Variants in ATAD3A observed in about 807,000 individuals in gnomAD.
ATAD3A encodes the protein ATPase family AAA domain-containing protein 3A.
A neutral mutation model predicts 73.8 loss-of-function variants in ATAD3A; 46 were observed. The ratio of observed to expected loss-of-function variants is 0.62; its 90% CI spans 0.49 to 0.80. The LOEUF (loss-of-function observed/expected upper bound fraction) is 0.80. Among genes scored for constraint, ATAD3A ranks in the 30% least tolerant of loss-of-function variants. The pLI is 0.00. For missense variants in ATAD3A, 705 were observed against 838.0 expected, an observed-to-expected ratio of 0.84 and a Z score of 1.96; for synonymous variants, 319 against 350.0, an observed-to-expected ratio of 0.91 and a Z score of 0.99.
chr1:1,534,490 G>C lies in ATAD3A; in HGVS notation c.*418G>C. ...GGTGAGGGGGCGCCTGCCAGGGCCA[G>C]ACCCAGGTGGGGCAGCCTGAACCCT... On this transcript the variant is annotated 3_prime_UTR_variant, in exon 16 of 16. Coordinates refer to ENST00000378756, the MANE Select transcript of ATAD3A (RefSeq NM_001170535.3). 1 of 922,394 alleles carries C rather than the reference G, an allele frequency of 1.1e-6. No homozygotes were observed. Among genetic ancestry groups the C allele is most frequent in the Non-Finnish European group, 1.4e-6 (1 of 702,332 alleles). 57.1% of individuals were successfully genotyped at this position (922,394 alleles called of 1,614,324 possible). A position where few individuals can be genotyped will look rare whatever the true frequency, so the allele number is the denominator to read the frequency against.
chr1:1,528,002 C>G (rs1433544698), intron 14 of ATAD3A, 140 bp downstream of exon 14: 1 of 1,107,194 alleles, frequency 9.0e-7, no homozygotes, highest in East Asian at 2.8e-5. Flanking sequence ...TCTTGTCGCC[C>G]AGGCTGGAGT....
rs555023636 is a variant in ATAD3A, at chr1:1,513,222, C to T, written c.205+749C>T. Among the ~76,000 whole-genome samples, 13 of 152,066 alleles carry T rather than the reference C, an allele frequency of 8.5e-5. No homozygotes were observed. The East Asian group carries it at 2.4e-3, about 28-fold the overall frequency. On this transcript the variant is annotated intron_variant, in intron 1 of 15. Coordinates refer to ENST00000378756, the MANE Select transcript of ATAD3A (RefSeq NM_001170535.3). ...GACTTCAGGGCACCTCGGAGGACAG[C>T]GGATGTTGGTGACTGACTTTCTTGC...
In ATAD3A at chr1:1,533,949, C is replaced by T. The variant is rs375952119; in HGVS notation, c.1638C>T (p.Asp546=). 2.9e-5 allele frequency: 47 copies of T among 1,613,148 alleles called. No homozygotes were observed. The highest frequency in any genetic ancestry group is 8.9e-5 in the East Asian group (4 of 44,862). ...AGGCCACGGCGTATGCCTCCGAGGA[C>T]GGGGTCCTGACCGAGGCCATGATGG... ...SWQATAYASE[D]GVLTEAMMDT... The change falls in exon 16 of 16, where the codon GAC becomes GAT. Residue 546 remains aspartate (D), a synonymous_variant. Transcript: ENST00000378756.
chr1:1,533,623 A>T (rs1209493765), intron 15 of ATAD3A, among the ~76,000 whole-genome samples: 1 of 151,964 alleles, frequency 6.6e-6, no homozygotes, highest in Admixed American at 6.5e-5. Context: ...TGCAGTTCCC[A>T]CCTGCCTCTC....
intron 7 of ATAD3A, 91 bp from the exon 8 acceptor site, chr1:1,522,653 G>A (rs1006960875): frequency 3.6e-5 from 57 of 1,575,454 alleles, no homozygotes; most frequent in African/African-American, 1.8e-4. Context: ...TCCCTCGGGC[G>A]GAGAGAGGGT....
intron 13 of ATAD3A, among the ~76,000 whole-genome samples, chr1:1,526,780 G>A (rs1380661382): frequency 6.6e-6 from 1 of 152,234 alleles, no homozygotes; most frequent in Non-Finnish European, 1.5e-5. Context: ...GTGCGCCGCC[G>A]CCCCAGCTTG....
chr1:1,533,039 G>T (rs1414605488), intron 15 of ATAD3A, among the ~76,000 whole-genome samples: 1 of 152,236 alleles, frequency 6.6e-6, no homozygotes, highest in East Asian at 1.9e-4. Context: ...CGGGCACCAC[G>T]TGGTCATCCC....
At position 1,534,296 on chromosome 1, in the gene ATAD3A, T is replaced by A; in HGVS notation, c.*224T>A. On this transcript the variant is annotated 3_prime_UTR_variant, in exon 16 of 16. Transcript: ENST00000378756. ...GAGGGGCAGGCCTCCTTCCTGCCCC[T>A]CGAGACACTCTTGGGAGATGCATTT... is the stretch of plus-strand genomic sequence containing the variant. 1 of 1,438,692 alleles carries A rather than the reference T, an allele frequency of 7.0e-7. No homozygotes were observed. The allele number at this position is 1,438,692 out of a possible 1,614,324, so 89.1% of individuals were successfully genotyped here.
At position 1,527,773 on chromosome 1, in the gene ATAD3A, C is replaced by T. The variant is rs749220988; in HGVS notation, c.1416C>T (p.His472=). The change falls in exon 14 of 16, where the codon CAC becomes CAT. Residue 472 remains histidine (H), a synonymous_variant. Transcript: ENST00000378756. ...ATGACCGCATCAATGAGATGGTCCA[C>T]TTCGACCTGCCAGGGCAGGAGGAAC... is the stretch of plus-strand genomic sequence containing the variant. ...AINDRINEMV[H]FDLPGQEERE... 35 of 1,613,862 alleles carry T rather than the reference C, an allele frequency of 2.2e-5. No individual in the cohort carries two copies. The highest frequency in any genetic ancestry group is 1.7e-4 in the Admixed American group (10 of 60,006).
In ATAD3A at chr1:1,520,470, G is replaced by A; in HGVS notation, c.681-78G>A. The A allele has an allele frequency of 1.2e-6, 2 of 1,612,064 alleles. No homozygotes were observed. The highest frequency in any genetic ancestry group is 2.2e-5 in the East Asian group (1 of 44,838). The stretch of plus-strand genomic sequence containing the variant: ...GGCAAGGCCGTGCCGCCATGTCAGG[G>A]CCTCACCCTCAACCTGCTCTCGCTG... On this transcript the variant is annotated intron_variant, in intron 6 of 15. Coordinates refer to ENST00000378756, the MANE Select transcript of ATAD3A (RefSeq NM_001170535.3). The surrounding 1 kb of genome is among the most constrained non-coding windows in gnomAD (Gnocchi z 4.0).
intron 13 of ATAD3A, chr1:1,527,107 G>T (rs1641874483): frequency 8.1e-7 from 1 of 1,230,248 alleles, no homozygotes; most frequent in Admixed American, 2.3e-5. Context: ...AGGCTCCCTA[G>T]TCCCTCCCAA....
chr1:1,512,589 G>C (rs1641236709), intron 1 of ATAD3A, 116 bp downstream of exon 1: 2 of 1,405,006 alleles, frequency 1.4e-6, no homozygotes, highest in African/African-American at 3.0e-5. Context: ...GGGCGAGACT[G>C]CGCCCCCGGA....
Position 1,520,709 on chromosome 1 carries a change from G to A in ATAD3A, c.750+92G>A. On this transcript the variant is annotated intron_variant, in intron 7 of 15. Transcript: ENST00000378756. The surrounding 1 kb of genome is among the most constrained non-coding windows in gnomAD (Gnocchi z 4.0). ...CCCAGGTCCTGTCCCTGCCGGCTCTGCACAGCCCTGTAGCTCTCCCAGCAG... is the reference window on the plus strand; with the variant it reads ...CCCAGGTCCTGTCCCTGCCGGCTCTACACAGCCCTGTAGCTCTCCCAGCAG... 6.3e-7 allele frequency: 1 copy of A among 1,593,352 alleles called. No homozygotes were observed. The highest frequency in any genetic ancestry group is 1.1e-5 in the South Asian group (1 of 89,834).
chr1:1,520,808 G>A lies in ATAD3A; in HGVS notation c.750+191G>A, dbSNP rs542998942. Among the ~76,000 whole-genome samples, 3 of 152,284 alleles carry A rather than the reference G, an allele frequency of 2.0e-5. No homozygotes were observed. Among genetic ancestry groups the A allele is most frequent in the South Asian group, 4.1e-4 (2 of 4,830 alleles). On this transcript the variant is annotated intron_variant, in intron 7 of 15. Coordinates refer to ENST00000378756, the MANE Select transcript of ATAD3A (RefSeq NM_001170535.3). The surrounding 1 kb of genome is among the most constrained non-coding windows in gnomAD (Gnocchi z 4.0). ...CAAGCTGGGAGAAGAAAACGCAGTTGCCAGCCTGGGCCACACAGTGAGACC... is the reference window on the plus strand; with the variant it reads ...CAAGCTGGGAGAAGAAAACGCAGTTACCAGCCTGGGCCACACAGTGAGACC...
intron 11 of ATAD3A, 73 bp from the exon 12 acceptor site, chr1:1,525,167 G>A (rs1475202938): frequency 1.5e-5 from 24 of 1,602,456 alleles, no homozygotes; most frequent in Non-Finnish European, 2.0e-5. Context: ...GCCTGCTCCT[G>A]CCGCGGCCGG....
rs768660175 is a variant in ATAD3A, at chr1:1,527,880, C to G, written c.1505+18C>G. ...GGAAAGCAGTAAGTGTCCCGCCCCA[C>G]CAGCCCCCGTCCAGGGGCCCTCGCT... On this transcript the variant is annotated intron_variant, in intron 14 of 15. Transcript: ENST00000378756. 1 of 1,607,014 alleles carries G rather than the reference C, an allele frequency of 6.2e-7. No homozygotes were observed. The highest frequency in any genetic ancestry group is 8.5e-7 in the Non-Finnish European group (1 of 1,175,716).
chr1:1,533,489 T>C (rs1410393490), intron 15 of ATAD3A, among the ~76,000 whole-genome samples: 6 of 152,242 alleles, frequency 3.9e-5, no homozygotes, highest in Middle Eastern at 3.4e-3. Flanking sequence ...CCACCACTCA[T>C]GTGCCTCAAG....
At chr1:1,524,822 C>G (rs553394723) in intron 11 of ATAD3A, among the ~76,000 whole-genome samples, 1 of 150,444 alleles carries the variant, frequency 6.6e-6, no homozygotes, top group East Asian at 2.0e-4. Context: ...TGACCCCGCG[C>G]AGGGCACAGC....
intron 12 of ATAD3A, among the ~76,000 whole-genome samples, chr1:1,526,027 T>C (rs1358471355): frequency 1.4e-5 from 2 of 139,016 alleles, no homozygotes; most frequent in East Asian, 2.0e-4. Flanking sequence ...TTTCTTTTTC[T>C]TTTTTTTTTT....
Sources: allele counts gnomAD v4.1 joint callset (sites outside exome capture counted in the v4.1 genomes callset), GRCh38; gene constraint gnomAD v4.1.1; non-coding constraint Gnocchi (gnomAD v3.1); transcripts MANE v1.5; gene names NCBI Gene and HGNC (gene_info 2026-07-23, HGNC 2026-07-21).